Variants in UPF2 observed in about 807,000 individuals in gnomAD.
UPF2 encodes regulator of nonsense transcripts 2.
Under a neutral mutation model 141.4 loss-of-function variants are expected in UPF2, and 17 were observed. The ratio of observed to expected loss-of-function variants is 0.12; its 90% CI spans 0.08 to 0.18. The LOEUF is 0.18. Among genes scored for constraint, UPF2 ranks in the 10% least tolerant of loss-of-function variants. UPF2 has a pLI of 1.00. For synonymous variants in UPF2, 540 were observed against 498.0 expected, an observed-to-expected ratio of 1.08 and a Z score of -1.12; for missense variants, 1,152 against 1,515.9, an observed-to-expected ratio of 0.76 and a Z score of 3.99.
rs966608614 is a variant in UPF2 at position 11,945,187 on chromosome 10, T to C, written c.3175-2019A>G. ...AATTTAAACAGTTATCTTTAACTTATAGAGCTGACATTTAAGAGAAAATGT... is the reference window on the plus strand; with the variant it reads ...AATTTAAACAGTTATCTTTAACTTACAGAGCTGACATTTAAGAGAAAATGT... On this transcript the variant is annotated intron_variant, in intron 16 of 21. Coordinates refer to ENST00000357604, the MANE Select transcript of UPF2 (RefSeq NM_015542.4). 2.0e-5 allele frequency among the ~76,000 whole-genome samples: 3 copies of C among 152,240 alleles called. No homozygotes were observed. The East Asian group carries it at 5.8e-4, about 29-fold the overall frequency.
At chr10:11,926,827 C>T (rs1832718947) in intron 21 of UPF2, among the ~76,000 whole-genome samples, 1 of 152,208 alleles carries the variant, frequency 6.6e-6, no homozygotes, top group Admixed American at 6.5e-5. Flanking sequence ...GTAGCCGATT[C>T]TTCCAAGGAG....
At chr10:11,938,853 G>GCT (rs1832889411) in intron 18 of UPF2, among the ~76,000 whole-genome samples, 2 of 79,816 alleles carry the variant, frequency 2.5e-5, no homozygotes, top group African/African-American at 5.0e-5. Flanking sequence ...TTTTTTTTTT[G>GCT]TTTTTTTTTT....
intron 3 of UPF2, among the ~76,000 whole-genome samples, chr10:12,018,396 C>G (rs1224343406): frequency 1.3e-5 from 2 of 152,064 alleles, no homozygotes; most frequent in African/African-American, 4.8e-5. Flanking sequence ...CCCTGACCAA[C>G]ACGGTGAAAC....
At chr10:12,033,097 A>T (rs1474116387) in intron 2 of UPF2, among the ~76,000 whole-genome samples, 2 of 152,204 alleles carry the variant, frequency 1.3e-5, no homozygotes, top group Non-Finnish European at 2.9e-5. Context: ...TCGTGCTTGC[A>T]AAAAGGTTTT....
intron 16 of UPF2, among the ~76,000 whole-genome samples, chr10:11,947,983 C>T (rs1401606158): frequency 1.3e-5 from 2 of 151,756 alleles, no homozygotes; most frequent in African/African-American, 2.4e-5. Context: ...TGCGGTGGCT[C>T]ATGCCTGCAA....
intron 4 of UPF2, among the ~76,000 whole-genome samples, chr10:12,008,906 A>G (rs1398888141): frequency 2.0e-5 from 3 of 151,948 alleles, no homozygotes; most frequent in Non-Finnish European, 4.4e-5. Context: ...ATGTGTTCTC[A>G]CTGTTCAACT....
At chr10:12,041,372 T>C (rs1180059242) in intron 1 of UPF2, among the ~76,000 whole-genome samples, 1 of 151,708 alleles carries the variant, frequency 6.6e-6, no homozygotes, top group Admixed American at 6.6e-5. Flanking sequence ...AAGGAAACCA[T>C]GCTTTAAAAC....
chr10:11,994,951 G>A (rs11257467), intron 8 of UPF2, among the ~76,000 whole-genome samples: 8,030 of 126,456 alleles, frequency 0.064, 285 homozygotes, highest in Middle Eastern at 0.099. Flanking sequence ...ACTCCAGCCT[G>A]GGCAACAGAG....
At chr10:12,029,607 T>A in intron 2 of UPF2, 83 bp from the exon 3 acceptor site, 3 of 1,399,316 alleles carry the variant, frequency 2.1e-6, no homozygotes, top group Non-Finnish European at 2.9e-6. Context: ...AAAAAGCCAA[T>A]GAAAAAAATT....
chr10:11,969,253 T>C (rs2131210326), intron 9 of UPF2, among the ~76,000 whole-genome samples: 1 of 151,846 alleles, frequency 6.6e-6, no homozygotes, highest in South Asian at 2.1e-4. Flanking sequence ...CTGCAACCTC[T>C]CTGCCTCTCG....
At position 12,029,413 on chromosome 10, in the gene UPF2, G is replaced by A. The variant is rs1834475694; in HGVS notation, c.477C>T (p.Asn159=). 5.6e-6 allele frequency: 9 copies of A among 1,614,200 alleles called. No individual in the cohort carries two copies. The highest frequency in any genetic ancestry group is 6.8e-6 in the Non-Finnish European group (8 of 1,180,040). Residue 159 remains asparagine (N), a synonymous_variant, in exon 3 of 22, where the codon AAC becomes AAT. Transcript: ENST00000357604. ...QNAPDSRPEE[N]FFSRLDSSLK... ...AACTTGAGTCGAGGCGGCTGAAGAAGTTTTCCTCTGGTCGGCTGTCCGGAG... is the reference window on the plus strand; with the variant it reads ...AACTTGAGTCGAGGCGGCTGAAGAAATTTTCCTCTGGTCGGCTGTCCGGAG...
At chr10:12,007,469 A>T (rs1834052689) in intron 4 of UPF2, among the ~76,000 whole-genome samples, 1 of 152,194 alleles carries the variant, frequency 6.6e-6, no homozygotes, top group African/African-American at 2.4e-5. Context: ...GTAATAAAAA[A>T]TAGGAATATC....
intron 15 of UPF2, 103 bp from the exon 16 acceptor site, chr10:11,948,611 C>T (rs1045305667): frequency 3.1e-6 from 4 of 1,281,562 alleles, no homozygotes; most frequent in Non-Finnish European, 4.3e-6. Flanking sequence ...AAGAATTCAA[C>T]AGCCATTTTC....
chr10:11,976,731 CT>C (rs1833511303), intron 9 of UPF2, among the ~76,000 whole-genome samples: 1 of 152,024 alleles, frequency 6.6e-6, no homozygotes, highest in Non-Finnish European at 1.5e-5. Context: ...AACAAAGAAA[CT>C]CAGCTAGGAA....
intron 21 of UPF2, among the ~76,000 whole-genome samples, chr10:11,922,033 C>A (rs890265681): frequency 1.2e-4 from 19 of 152,136 alleles, no homozygotes; most frequent in African/African-American, 4.3e-4. Context: ...GAAATTTGCA[C>A]ACAGACACAC....
At chr10:11,989,241 C>T (rs975773284) in intron 8 of UPF2, among the ~76,000 whole-genome samples, 17 of 152,126 alleles carry the variant, frequency 1.1e-4, no homozygotes, top group African/African-American at 3.4e-4. Flanking sequence ...AAAGACTACA[C>T]AGAATACTAT....
rs1213463819 is a variant in UPF2 at position 11,952,224 on chromosome 10, A to C, written c.2876T>G (p.Leu959Trp). 1 of 1,609,278 alleles carries C rather than the reference A, an allele frequency of 6.2e-7. No homozygotes were observed. The highest frequency in any genetic ancestry group is 8.5e-7 in the Non-Finnish European group (1 of 1,178,482). The change falls in exon 15 of 22, where the codon TTG becomes TGG. Residue 959 changes from leucine (L) to tryptophan (W), a missense_variant. Physicochemically the swap from Leu to Trp is moderately conservative, Grantham distance 61. Around this residue, in one of 4 missense-constraint regions of UPF2, gnomAD observed 739 missense variants for 1,032.2 expected, o/e 0.72. Coordinates refer to ENST00000357604, the MANE Select transcript of UPF2 (RefSeq NM_015542.4). The stretch of plus-strand genomic sequence containing the variant: ...TGGATGGTCTTTTGTCCAAACCTCC[A>C]AACTTTTCTTCCACCAAACATAACG... ...FQRYVWWKKSLEVWTKDHPFP... is the reference protein window; with the variant it reads ...FQRYVWWKKSWEVWTKDHPFP...
At position 11,974,789 on chromosome 10, in the gene UPF2, CTT is replaced by C. The variant is rs201980129; in HGVS notation, c.1953+4266_1953+4267del. Among the ~76,000 whole-genome samples, 28 of 152,182 alleles carry C rather than the reference CTT, an allele frequency of 1.8e-4. No homozygotes were observed. The East Asian group carries it at 5.4e-3, about 29-fold the overall frequency. The stretch of plus-strand genomic sequence containing the variant: ...GCTGGAATTAAAGAGTTTTGAAACT[CTT>C]TAAAAACTTTTGTGAACCAGTGATC... On this transcript the variant is annotated intron_variant, in intron 9 of 21. Coordinates refer to ENST00000357604, the MANE Select transcript of UPF2 (RefSeq NM_015542.4).
rs555778806 is a variant in UPF2 at position 11,998,778 on chromosome 10, C to T, written c.1759-1021G>A. On this transcript the variant is annotated intron_variant, in intron 7 of 21. Transcript: ENST00000357604. This position sits in a 1 kb window ranked among gnomAD's most constrained non-coding sequence, Gnocchi z 4.5. ...CTGAGGCAGGAGAATGGCGTGAACC[C>T]GGGAGGCGGAGCTTGCAGTGAGCCG... Among the ~76,000 whole-genome samples the T allele has an allele frequency of 2.6e-4, 39 of 151,680 alleles. No individual in the cohort carries two copies. In the South Asian group the frequency reaches 4.8e-3, roughly 19 times the overall value.
Sources: gnomAD v4.1 joint callset for allele counts (sites outside exome capture counted in the v4.1 genomes callset) on GRCh38, gnomAD v4.1.1 for gene constraint, gnomAD v4.1.1 regional missense constraint, Gnocchi (gnomAD v3.1) non-coding constraint, MANE v1.5 for transcripts, NCBI Gene and HGNC (gene_info 2026-07-23, HGNC 2026-07-21) for gene names.